Variants in GNL3L observed in about 807,000 individuals in gnomAD.
GNL3L encodes guanine nucleotide-binding protein-like 3-like protein.
In GNL3L, 4 loss-of-function variants were observed where a neutral mutation model predicts 42.9. That is an observed-to-expected ratio of 0.09 (90% CI 0.05 to 0.21). GNL3L has a LOEUF of 0.21. Among genes scored for constraint, GNL3L ranks in the 10% least tolerant of loss-of-function variants. The probability of loss-of-function intolerance (pLI) is 1.00; values close to 1 mark genes in which losing one functional copy is unlikely to be tolerated. For synonymous variants in GNL3L, 159 were observed against 176.3 expected (o/e 0.90, Z 0.78); for missense variants, 412 against 481.7 (o/e 0.86, Z 1.36).
chrX:54,602,720 T>C (rs930566473), intron 16 of GNL3L, among the ~76,000 whole-genome samples: 3 of 111,667 alleles, frequency 2.7e-5, no homozygotes, highest in African/African-American at 9.8e-5. Flanking sequence ...AACAAGATAC[T>C]TCAGGTAGTC....
chrX:54,551,456 C>T (rs1924934791), intron 10 of GNL3L, 112 bp from the exon 11 acceptor site: 2 of 590,021 alleles, frequency 3.4e-6, no homozygotes, highest in African/African-American at 4.5e-5. Context: ...CCACCTTCGT[C>T]TCTAATGCAC....
chrX:54,605,024 T>C (rs1926043887), intron 16 of GNL3L, among the ~76,000 whole-genome samples: 1 of 111,021 alleles, frequency 9.0e-6, no homozygotes, highest in East Asian at 2.8e-4. Flanking sequence ...GCTTGTCTGG[T>C]TGTATGTTTC....
chrX:54,534,484 T>C (rs1209307316), intron 2 of GNL3L, among the ~76,000 whole-genome samples: 1 of 110,833 alleles, frequency 9.0e-6, no homozygotes, highest in Middle Eastern at 4.2e-3. Flanking sequence ...GGGAATGAAG[T>C]CAGTGGGTGT....
intron 1 of GNL3L, among the ~76,000 whole-genome samples, chrX:54,532,201 T>C (rs1309002675): frequency 1.8e-5 from 2 of 109,691 alleles, no homozygotes; most frequent in Admixed American, 9.7e-5. Context: ...AATATAACAC[T>C]ACAGTGTGGA....
At chrX:54,585,301 CTTA>C (rs956044772) in intron 16 of GNL3L, among the ~76,000 whole-genome samples, 5 of 110,533 alleles carry the variant, frequency 4.5e-5, no homozygotes, top group Non-Finnish European at 7.6e-5. Context: ...AGTATTTTCC[CTTA>C]TTTTTTTTTT....
At chrX:54,557,489 C>T (rs1242759979) in intron 14 of GNL3L, among the ~76,000 whole-genome samples, 1 of 110,674 alleles carries the variant, frequency 9.0e-6, no homozygotes, top group African/African-American at 3.3e-5. Flanking sequence ...GGCCGGAGTG[C>T]AGTGGTGCAG....
Position 54,545,531 on chromosome X carries a change from C to T in GNL3L, c.630+1205C>T, listed in dbSNP as rs138993626. 1.4e-3 allele frequency among the ~76,000 whole-genome samples: 156 copies of T among 111,479 alleles called. 1 individual carries two copies. In the East Asian group the frequency reaches 0.023, roughly 16 times the overall value. On this transcript the variant is annotated intron_variant, in intron 8 of 15. Coordinates refer to ENST00000360845, the MANE Select transcript of GNL3L (RefSeq NM_001184819.2). ...AACTACTTGTTAACTTTAAAAAATA[C>T]GTATACCTCCAATCATTTTTCTCTT...
At chrX:54,550,859 C>G in intron 9 of GNL3L, 104 bp from the exon 10 acceptor site, 1 of 526,935 alleles carries the variant, frequency 1.9e-6, no homozygotes, top group Non-Finnish European at 3.3e-6. Context: ...TTTTGGCTTC[C>G]CCATGGCCTG....
At chrX:54,624,421 CT>C (rs148616192), downstream of GNL3L, among the ~76,000 whole-genome samples, 45 of 95,223 alleles carry the variant, frequency 4.7e-4, no homozygotes, top group East Asian at 3.5e-3. Context: ...GGAATGATTT[CT>C]TTTTTTTTTC....
At position 54,552,293 on chromosome X, in the gene GNL3L, G is replaced by A; in HGVS notation, c.1183G>A (p.Gly395Arg). 3 of 1,207,976 alleles carry A rather than the reference G, an allele frequency of 2.5e-6. No homozygotes were observed. The highest frequency in any genetic ancestry group is 2.2e-6 in the Non-Finnish European group (2 of 892,129). ...CATCTCCCCTATCTCCCAATGCAGC[G>A]GGAAGATCAGCTTCTATATACCACC... The part of the protein sequence containing the change: ...AKAVLADWVS[G>R]KISFYIPPPA... The change falls in exon 13 of 16, where the codon GGG becomes AGG. Residue 395 changes from glycine (G) to arginine (R), a missense_variant and splice_region_variant. Physicochemically the swap from Gly to Arg is moderately radical, Grantham distance 125. Coordinates refer to ENST00000360845, the MANE Select transcript of GNL3L (RefSeq NM_001184819.2).
At chrX:54,536,720 G>C (rs1924436133) in intron 2 of GNL3L, among the ~76,000 whole-genome samples, 1 of 105,560 alleles carries the variant, frequency 9.5e-6, no homozygotes, top group Non-Finnish European at 1.9e-5. Flanking sequence ...GGGAGGTGGA[G>C]GTTGTAGTGA....
intron 14 of GNL3L, among the ~76,000 whole-genome samples, chrX:54,557,562 G>A (rs1185786999): frequency 9.0e-6 from 1 of 110,814 alleles, no homozygotes; most frequent in African/African-American, 3.3e-5. Flanking sequence ...AGCCTCCCAA[G>A]TAGCTGGGAT....
At chrX:54,548,090 T>G in intron 8 of GNL3L, 139 bp from the exon 9 acceptor site, 1 of 480,417 alleles carries the variant, frequency 2.1e-6, no homozygotes, top group East Asian at 3.7e-5. Flanking sequence ...TGACACGTGT[T>G]CAAGATCTGT....
At chrX:54,619,583 T>C (rs1347675542) in intron 16 of GNL3L, among the ~76,000 whole-genome samples, 1 of 110,802 alleles carries the variant, frequency 9.0e-6, no homozygotes, top group Non-Finnish European at 1.9e-5. Flanking sequence ...CTTGAACTCC[T>C]GGGCTCAAGC....
intron 16 of GNL3L, among the ~76,000 whole-genome samples, chrX:54,579,982 G>GTTTT (rs1158646056): frequency 1.5e-4 from 8 of 54,819 alleles, no homozygotes; most frequent in African/African-American, 1.2e-3. Flanking sequence ...CTGGCCTAAA[G>GTTTT]TTTGTTTTTT....
At position 54,539,107 on chromosome X, in the gene GNL3L, G is replaced by T. The variant is rs1924535477; in HGVS notation, c.81+6G>T. On this transcript the variant is annotated splice_donor_region_variant and intron_variant, in intron 3 of 15. Coordinates refer to ENST00000360845, the MANE Select transcript of GNL3L (RefSeq NM_001184819.2). Reference sequence around the variant, plus strand: ...TAAGTTGGCCCTACCCTCAGGTAAGGTATGCCTGTTGTTGAGGGTAAGGTC... The same window carrying T: ...TAAGTTGGCCCTACCCTCAGGTAAGTTATGCCTGTTGTTGAGGGTAAGGTC... The T allele has an allele frequency of 9.4e-7, 1 of 1,059,973 alleles. No homozygotes were observed. The highest frequency in any genetic ancestry group is 1.9e-5 in the African/African-American group (1 of 53,949). 87.4% of individuals were successfully genotyped at this position (1,059,973 alleles called of 1,213,427 possible).
At chrX:54,582,170 C>G (rs939930042) in intron 16 of GNL3L, among the ~76,000 whole-genome samples, 9 of 111,223 alleles carry the variant, frequency 8.1e-5, no homozygotes, top group Non-Finnish European at 1.5e-4. Context: ...AGTTCTTATT[C>G]TGTTAGTCCC....
At chrX:54,640,086 G>A in the GNL3L span, among the ~76,000 whole-genome samples, 1 of 110,994 alleles carries the variant, frequency 9.0e-6, no homozygotes, top group African/African-American at 3.3e-5. Flanking sequence ...ATAAAGACTG[G>A]CCCATATATT....
intron 13 of GNL3L, among the ~76,000 whole-genome samples, chrX:54,553,703 C>A (rs1482617654): frequency 9.0e-6 from 1 of 111,017 alleles, no homozygotes; most frequent in African/African-American, 3.3e-5. Context: ...CCACGCCTGG[C>A]TAATTTTTTT....
Sources: gnomAD v4.1 joint callset for allele counts (sites outside exome capture counted in the v4.1 genomes callset) on GRCh38, gnomAD v4.1.1 for gene constraint, MANE v1.5 for transcripts, NCBI Gene and HGNC (gene_info 2026-07-23, HGNC 2026-07-21) for gene names.